Variants in LAMB3 observed in about 807,000 individuals in gnomAD.
The protein encoded by LAMB3 is laminin subunit beta-3.
A neutral mutation model predicts 140.3 loss-of-function variants in LAMB3; 104 were observed. That is an observed-to-expected ratio of 0.74 (90% CI 0.63 to 0.87). The LOEUF (loss-of-function observed/expected upper bound fraction) is 0.87. Ranked by LOEUF, LAMB3 falls within the 40% of genes least tolerant of loss-of-function variation. The pLI, the probability that LAMB3 is intolerant of heterozygous loss-of-function variation, is 0.00. For synonymous variants in LAMB3, 592 were observed against 602.9 expected (o/e 0.98, Z 0.26); for missense variants, 1,531 against 1,575.2 (o/e 0.97, Z 0.47).
At chr1:209,632,860 A>T in intron 7 of LAMB3, 84 bp from the exon 8 acceptor site, 2 of 1,355,220 alleles carry the variant, frequency 1.5e-6, no homozygotes, top group Non-Finnish European at 2.1e-6. Context: ...AGTCTCCTTC[A>T]TATGTGATAC....
At chr1:209,644,521 C>A (rs1458260981) in intron 3 of LAMB3, among the ~76,000 whole-genome samples, 2 of 152,128 alleles carry the variant, frequency 1.3e-5, no homozygotes, top group Admixed American at 6.5e-5. Flanking sequence ...AGAAATGTGT[C>A]CAAGCCCATA....
chr1:209,650,278 G>A (rs2076554364), intron 2 of LAMB3, among the ~76,000 whole-genome samples, 160 bp from the exon 3 acceptor site: 1 of 152,214 alleles, frequency 6.6e-6, no homozygotes, highest in African/African-American at 2.4e-5. Context: ...TATTGATACT[G>A]TTATATTTTG....
At position 209,623,198 on chromosome 1, in the gene LAMB3, G is replaced by A. The variant is rs576993786; in HGVS notation, c.2359-19C>T. 2.5e-6 allele frequency: 4 copies of A among 1,613,602 alleles called. No homozygotes were observed. The highest frequency in any genetic ancestry group is 4.5e-5 in the East Asian group (2 of 44,858). On this transcript the variant is annotated intron_variant, in intron 16 of 22. Coordinates refer to ENST00000356082, the MANE Select transcript of LAMB3 (RefSeq NM_000228.3). This position sits in a 1 kb window ranked among gnomAD's most constrained non-coding sequence, Gnocchi z 4.2. Reference sequence around the variant, plus strand: ...CACAGAGCTGTGGACAGATGGCGGTGTTAAAGAGGCTACCCAAAGCCCCTC... The same window carrying A: ...CACAGAGCTGTGGACAGATGGCGGTATTAAAGAGGCTACCCAAAGCCCCTC...
chr1:209,633,738 C>G (rs893484595), intron 6 of LAMB3, among the ~76,000 whole-genome samples: 1 of 152,182 alleles, frequency 6.6e-6, no homozygotes, highest in African/African-American at 2.4e-5. Flanking sequence ...GCATGGCCTG[C>G]ATAGAGGGCC....
chr1:209,636,479 C>A (rs959637335), intron 5 of LAMB3, among the ~76,000 whole-genome samples: 1 of 152,196 alleles, frequency 6.6e-6, no homozygotes, highest in Non-Finnish European at 1.5e-5. Context: ...ACACCTAGCA[C>A]ATGGGTGTTT....
Position 209,623,654 on chromosome 1 carries a change from G to T in LAMB3, c.2209C>A (p.Arg737Ser), listed in dbSNP as rs778247685. Residue 737 changes from arginine (R) to serine (S), a missense_variant, in exon 16 of 23, where the codon CGC becomes AGC. Arg to Ser is a moderately radical substitution (Grantham distance 110). Transcript: ENST00000356082. This position sits in a 1 kb window ranked among gnomAD's most constrained non-coding sequence, Gnocchi z 4.2. ...QAAQQVSDSS[R>S]LLDQLRDSRR... ...CTGTCCCTGAGCTGGTCCAAAAGGC[G>T]CGAGCTGTCGGAGACCTGCTGAGCA... 4.6e-5 allele frequency: 75 copies of T among 1,614,076 alleles called. No individual in the cohort carries two copies. In the South Asian group the frequency reaches 7.9e-4, roughly 17 times the overall value.
At chr1:209,630,058 G>A (rs545408650) in intron 9 of LAMB3, 133 bp from the exon 10 acceptor site, 1 of 827,706 alleles carries the variant, frequency 1.2e-6, no homozygotes, top group South Asian at 1.4e-5. Flanking sequence ...GGAAACTGAG[G>A]GCAAGGGAGG....
Position 209,625,923 on chromosome 1 carries a change from G to A in LAMB3, c.1701C>T (p.Cys567=), listed in dbSNP as rs756375245. Residue 567 remains cysteine (C), a synonymous_variant, in exon 14 of 23, where the codon TGC becomes TGT. Transcript: ENST00000356082. ...PGLTGPRCDQ[C]QRGYCNRYPV... ...GGTAGCGATTACAGTAGCCTCGCTG[G>A]CACTGGTCACAGCGGGGCCCGGTCA... 3.1e-6 allele frequency: 5 copies of A among 1,613,698 alleles called. No homozygotes were observed. Among genetic ancestry groups the A allele is most frequent in the Non-Finnish European group, 4.2e-6 (5 of 1,179,896 alleles).
intron 3 of LAMB3, among the ~76,000 whole-genome samples, chr1:209,645,405 C>T (rs1005553113): frequency 6.6e-6 from 1 of 152,134 alleles, no homozygotes; most frequent in East Asian, 1.9e-4. Flanking sequence ...CTGCTTAGGG[C>T]TTCTGGGAAA....
chr1:209,618,816 G>A (rs986042289), intron 18 of LAMB3, 157 bp from the exon 19 acceptor site: 5 of 705,402 alleles, frequency 7.1e-6, no homozygotes, highest in Admixed American at 2.1e-5. Flanking sequence ...AGACTCAGGC[G>A]CCTGTTCTCC....
In LAMB3 at chr1:209,646,483, C is replaced by T. The variant is rs1011891107; in HGVS notation, c.183+3481G>A. Among the ~76,000 whole-genome samples, 6 of 152,340 alleles carry T rather than the reference C, an allele frequency of 3.9e-5. No individual in the cohort carries two copies. In the South Asian group the frequency reaches 6.2e-4, roughly 16 times the overall value. On this transcript the variant is annotated intron_variant, in intron 3 of 22. Transcript: ENST00000356082. ...CCTGTTATTAGTGTCAAAACCAGAA[C>T]CAGAATGAGGGAGTCCTCACCCCCA...
At chr1:209,617,866 T>C in intron 20 of LAMB3, 41 bp downstream of exon 20, 4 of 1,613,998 alleles carry the variant, frequency 2.5e-6, no homozygotes, top group Non-Finnish European at 3.4e-6. Flanking sequence ...AATTTTCCTG[T>C]TTATGCCCAA....
At position 209,646,450 on chromosome 1, in the gene LAMB3, G is replaced by T. The variant is rs754801158; in HGVS notation, c.183+3514C>A. On this transcript the variant is annotated intron_variant, in intron 3 of 22. Coordinates refer to ENST00000356082, the MANE Select transcript of LAMB3 (RefSeq NM_000228.3). ...GGTGAAGAGCCCTGACTTTCACAAG[G>T]CCACATCCCTGTTATTAGTGTCAAA... 3.3e-5 allele frequency among the ~76,000 whole-genome samples: 5 copies of T among 152,292 alleles called. No homozygotes were observed. In the South Asian group the frequency reaches 1.0e-3, roughly 32 times the overall value.
intron 1 of LAMB3, among the ~76,000 whole-genome samples, chr1:209,651,795 G>C (rs2102469097): frequency 7.4e-6 from 1 of 135,164 alleles, no homozygotes. Context: ...CTTCTGCCTT[G>C]AATTGGATGT....
At position 209,625,698 on chromosome 1, in the gene LAMB3, T is replaced by C. The variant is rs1221167329; in HGVS notation, c.1926A>G (p.Ala642=). 1.2e-6 allele frequency: 2 copies of C among 1,613,898 alleles called. No individual in the cohort carries two copies. Among genetic ancestry groups the C allele is most frequent in the African/African-American group, 1.3e-5 (1 of 74,882 alleles). The change falls in exon 14 of 23, where the codon GCA becomes GCG. Residue 642 remains alanine, a synonymous_variant. Transcript: ENST00000356082. ...EQIRAVLSSP[A]VTEQEVAQVA... is the part of the protein sequence containing the mutation. ...CCTGAGCCACCTCCTGCTCTGTGAC[T>C]GCGGGGCTGCTGAGAACTGCTCGGA...
At chr1:209,631,120 C>A in intron 8 of LAMB3, among the ~76,000 whole-genome samples, 1 of 152,214 alleles carries the variant, frequency 6.6e-6, no homozygotes, top group African/African-American at 2.4e-5. Flanking sequence ...TCTATTCCAA[C>A]AATCTATGAA....
chr1:209,649,865 T>C (rs1410327512), intron 3 of LAMB3, 99 bp downstream of exon 3: 43 of 1,355,434 alleles, frequency 3.2e-5, no homozygotes, highest in Non-Finnish European at 4.2e-5. Flanking sequence ...ACACAGGGCT[T>C]GGCCTACACC....
rs368271817 is a variant in LAMB3 at position 209,622,578 on chromosome 1, G to T, written c.2659C>A (p.Arg887Ser). Residue 887 changes from arginine (R) to serine (S), a missense_variant, in exon 18 of 23, where the codon CGC (arginine) becomes AGC (serine). By Grantham distance (110) the Arg-to-Ser change is moderately radical. Coordinates refer to ENST00000356082, the MANE Select transcript of LAMB3 (RefSeq NM_000228.3). ...SRSQMEEDVRRTRLLIQQVRD... is the reference protein window; with the variant it reads ...SRSQMEEDVRSTRLLIQQVRD... Reference sequence around the variant, plus strand: ...ACCTGCTGGATTAGGAGCCGTGTGCGTCTGACATCTTCCTCCATCTGGGAG... The same window carrying T: ...ACCTGCTGGATTAGGAGCCGTGTGCTTCTGACATCTTCCTCCATCTGGGAG... 2.5e-6 allele frequency: 4 copies of T among 1,613,930 alleles called. No homozygotes were observed. Among genetic ancestry groups the T allele is most frequent in the Admixed American group, 3.3e-5 (2 of 59,998 alleles).
intron 5 of LAMB3, among the ~76,000 whole-genome samples, chr1:209,637,377 A>T (rs1666928068): frequency 1.3e-5 from 2 of 152,232 alleles, no homozygotes; most frequent in Non-Finnish European, 1.5e-5. Flanking sequence ...AAATTGACCT[A>T]TGGCAATTAA....
Sources: gnomAD v4.1 joint callset for allele counts (sites outside exome capture counted in the v4.1 genomes callset) on GRCh38, gnomAD v4.1.1 for gene constraint, Gnocchi (gnomAD v3.1) non-coding constraint, MANE v1.5 for transcripts, NCBI Gene and HGNC (gene_info 2026-07-23, HGNC 2026-07-21) for gene names.